PTPRG: variants seen among roughly 807,000 people sequenced by gnomAD.
PTPRG encodes protein tyrosine phosphatase receptor type G.
Under a neutral mutation model 165.3 loss-of-function variants are expected in PTPRG, and 102 were observed. The ratio of observed to expected loss-of-function variants is 0.62; its 90% CI spans 0.53 to 0.73. The LOEUF is 0.73. Among genes scored for constraint, PTPRG ranks in the 30% least tolerant of loss-of-function variants. The pLI is 0.00. For synonymous variants in PTPRG, 675 were observed against 669.5 expected (o/e 1.01, Z -0.13); for missense variants, 1,866 against 1,861.4 (o/e 1.00, Z -0.05).
chr3:61,829,969 C>G (rs911002893), intron 2 of PTPRG, among the ~76,000 whole-genome samples: 3 of 152,284 alleles, frequency 2.0e-5, no homozygotes, highest in South Asian at 4.1e-4. Context: ...CTGTGATGTT[C>G]TTGTATCCTC....
chr3:61,970,968 T>C (rs561099036), intron 2 of PTPRG, among the ~76,000 whole-genome samples: 2 of 152,200 alleles, frequency 1.3e-5, no homozygotes, highest in African/African-American at 2.4e-5. Flanking sequence ...GAGTGTAATA[T>C]TGCTTATTTA....
intron 2 of PTPRG, among the ~76,000 whole-genome samples, chr3:61,885,025 T>C (rs569068117): frequency 6.6e-6 from 1 of 151,412 alleles, no homozygotes; most frequent in Non-Finnish European, 1.5e-5. Flanking sequence ...TGGTAAATAA[T>C]CTTGATGTGT....
intron 28 of PTPRG, among the ~76,000 whole-genome samples, chr3:62,283,337 T>TTTAAAGTCTTCAGTACTGTC (rs1702522215): frequency 6.6e-6 from 1 of 152,094 alleles, no homozygotes; most frequent in Admixed American, 6.6e-5. Context: ...CATGATGTGT[T>TTTAAAGTCTTCAGTACTGTC]TTAAAGTCTT....
chr3:61,808,007 G>C (rs1301659014), intron 2 of PTPRG, among the ~76,000 whole-genome samples: 1 of 152,178 alleles, frequency 6.6e-6, no homozygotes, highest in Non-Finnish European at 1.5e-5. Flanking sequence ...TTATTGAAGG[G>C]CAAGCTGCTT....
chr3:61,633,897 GT>G (rs34304607), intron 1 of PTPRG, among the ~76,000 whole-genome samples: 13,149 of 143,924 alleles, frequency 0.091, 657 homozygotes, highest in East Asian at 0.21. Context: ...TTGTCGAGTG[GT>G]TTTTTTTTTT....
At chr3:61,582,983 C>T (rs1700339426) in intron 1 of PTPRG, among the ~76,000 whole-genome samples, 1 of 152,142 alleles carries the variant, frequency 6.6e-6, no homozygotes, top group African/African-American at 2.4e-5. Context: ...CTACGGGTAT[C>T]CTGGCTGGTA....
chr3:61,754,110 C>T (rs636624), intron 2 of PTPRG, among the ~76,000 whole-genome samples: 90,287 of 151,984 alleles, frequency 0.59, 27,207 homozygotes, highest in East Asian at 0.72. Flanking sequence ...GTTAGAGAAA[C>T]CCAGAATTGA....
intron 7 of PTPRG, among the ~76,000 whole-genome samples, chr3:62,159,220 G>T (rs2106704768): frequency 6.6e-6 from 1 of 152,032 alleles, no homozygotes; most frequent in Admixed American, 6.6e-5. Context: ...GATCCCAGCT[G>T]CTTGGGAGGC....
chr3:61,918,755 G>C (rs1200651890), intron 2 of PTPRG, among the ~76,000 whole-genome samples: 2 of 152,154 alleles, frequency 1.3e-5, no homozygotes, highest in African/African-American at 4.8e-5. Context: ...TGCCCTTACT[G>C]TCACTGAATA....
chr3:62,234,936 TC>T (rs200978366), intron 14 of PTPRG, among the ~76,000 whole-genome samples: 27 of 146,154 alleles, frequency 1.8e-4, no homozygotes, highest in Non-Finnish European at 2.4e-4. Flanking sequence ...TGAATCTACT[TC>T]CCCCCCCCGA....
At chr3:61,595,640 A>C (rs1487987192) in intron 1 of PTPRG, among the ~76,000 whole-genome samples, 1 of 152,200 alleles carries the variant, frequency 6.6e-6, no homozygotes, top group African/African-American at 2.4e-5. Context: ...CTGGAATACC[A>C]TTTATATACT....
intron 2 of PTPRG, among the ~76,000 whole-genome samples, chr3:61,902,411 C>A (rs549052686): frequency 3.9e-5 from 6 of 152,228 alleles, no homozygotes; most frequent in Admixed American, 2.0e-4. Context: ...AAATGTAATT[C>A]ATTGAGCCTT....
intron 1 of PTPRG, among the ~76,000 whole-genome samples, chr3:61,566,617 C>T (rs906957764): frequency 6.6e-6 from 1 of 152,200 alleles, no homozygotes; most frequent in Non-Finnish European, 1.5e-5. Flanking sequence ...AAGCGATTCT[C>T]CTGCCTCAGC....
intron 2 of PTPRG, among the ~76,000 whole-genome samples, chr3:61,831,514 C>T (rs1487182282): frequency 1.3e-5 from 2 of 152,082 alleles, no homozygotes; most frequent in South Asian, 2.1e-4. Context: ...ACTTCTCTTG[C>T]TTGATGTTCA....
chr3:61,690,620 ATCC>A (rs1327903075), intron 1 of PTPRG, among the ~76,000 whole-genome samples: 1 of 152,202 alleles, frequency 6.6e-6, no homozygotes, highest in Non-Finnish European at 1.5e-5. Context: ...AGATTCGTCC[ATCC>A]TCCTTCTCCG....
chr3:61,631,015 G>A lies in PTPRG; in HGVS notation c.85+68643G>A, dbSNP rs541883382. On this transcript the variant is annotated intron_variant, in intron 1 of 29. Coordinates refer to ENST00000474889, the MANE Select transcript of PTPRG (RefSeq NM_002841.4). The stretch of plus-strand genomic sequence containing the variant: ...AGGTTACAGTGAGCCAAGATTGTGC[G>A]ACTGCACTCCAGCCTGGGTGACAGA... Among the ~76,000 whole-genome samples the A allele has an allele frequency of 3.5e-4, 53 of 151,462 alleles. No individual in the cohort carries two copies. The South Asian group carries it at 0.01, about 30-fold the overall frequency.
At position 61,920,039 on chromosome 3, in the gene PTPRG, A is replaced by G. The variant is rs78347850; in HGVS notation, c.191-69586A>G. On this transcript the variant is annotated intron_variant, in intron 2 of 29. Coordinates refer to ENST00000474889, the MANE Select transcript of PTPRG (RefSeq NM_002841.4). ...TGATTTCTTACCCATAACCAGCTAC[A>G]GAAGTGCTTGTGACATACTATTGTG... Among the ~76,000 whole-genome samples, 8 of 152,348 alleles carry G rather than the reference A, an allele frequency of 5.3e-5. 1 individual carries two copies. In the South Asian group the frequency reaches 1.7e-3, roughly 32 times the overall value.
chr3:61,630,255 G>A (rs1701731825), intron 1 of PTPRG, among the ~76,000 whole-genome samples: 1 of 152,196 alleles, frequency 6.6e-6, no homozygotes, highest in South Asian at 2.1e-4. Context: ...TTTGAGATAA[G>A]TATTCATTTA....
chr3:61,754,777 ATTT>A (rs951776594), intron 2 of PTPRG, among the ~76,000 whole-genome samples: 6 of 152,326 alleles, frequency 3.9e-5, no homozygotes, highest in Admixed American at 1.3e-4. Flanking sequence ...TTTCATGTCT[ATTT>A]TTAAGAATGT....
Sources: gnomAD v4.1 joint callset for allele counts (sites outside exome capture counted in the v4.1 genomes callset) on GRCh38, gnomAD v4.1.1 for gene constraint, MANE v1.5 for transcripts, NCBI Gene and HGNC (gene_info 2026-07-23, HGNC 2026-07-21) for gene names.